Variants in ITGA9 observed in about 807,000 individuals in gnomAD.
ITGA9 encodes the protein integrin alpha-9.
Under a neutral mutation model 127.8 loss-of-function variants are expected in ITGA9, and 56 were observed. The ratio of observed to expected loss-of-function variants is 0.44; its 90% CI spans 0.35 to 0.55. ITGA9 has a LOEUF of 0.55. ITGA9 is among the 20% of genes least tolerant of loss of function. The pLI is 0.00. For missense variants in ITGA9, 1,196 were observed against 1,347.1 expected, an observed-to-expected ratio of 0.89 and a Z score of 1.76; for synonymous variants, 508 against 514.5, an observed-to-expected ratio of 0.99 and a Z score of 0.17.
intron 1 of ITGA9, among the ~76,000 whole-genome samples, chr3:37,469,061 A>C (rs1440826934): frequency 6.6e-6 from 1 of 152,118 alleles, no homozygotes; most frequent in African/African-American, 2.4e-5. Flanking sequence ...AATGCATAAA[A>C]CTGTAGGTCA....
chr3:37,675,187 C>G (rs1700669706), intron 17 of ITGA9, among the ~76,000 whole-genome samples: 1 of 152,120 alleles, frequency 6.6e-6, no homozygotes, highest in East Asian at 1.9e-4. Flanking sequence ...GATGTGCAGC[C>G]CCCCGCCTTT....
At chr3:37,668,350 G>C (rs566788623) in intron 17 of ITGA9, among the ~76,000 whole-genome samples, 12 of 152,300 alleles carry the variant, frequency 7.9e-5, no homozygotes, top group African/African-American at 2.6e-4. Flanking sequence ...TTTTTGGGCA[G>C]TGTTTTCCTT....
intron 1 of ITGA9, among the ~76,000 whole-genome samples, chr3:37,460,382 G>C (rs1698303427): frequency 6.6e-6 from 1 of 152,132 alleles, no homozygotes; most frequent in South Asian, 2.1e-4. Flanking sequence ...GTATTTGATA[G>C]CACAACAAAA....
intron 18 of ITGA9, among the ~76,000 whole-genome samples, chr3:37,725,194 G>A (rs189107903): frequency 4.9e-4 from 74 of 152,304 alleles, no homozygotes; most frequent in African/African-American, 1.6e-3. Flanking sequence ...CCAGTGGGAG[G>A]TTCATATTTT....
At chr3:37,607,338 G>A (rs1027628882) in intron 15 of ITGA9, among the ~76,000 whole-genome samples, 54 of 152,248 alleles carry the variant, frequency 3.5e-4, no homozygotes, top group Non-Finnish European at 5.6e-4. Context: ...GTTCATGGAG[G>A]AAAAAGTTGA....
intron 8 of ITGA9, among the ~76,000 whole-genome samples, chr3:37,511,861 C>G (rs192159234): frequency 6.6e-6 from 1 of 152,322 alleles, no homozygotes; most frequent in East Asian, 1.9e-4. Context: ...CCTGGGTCAG[C>G]TGCCAACAAA....
chr3:37,645,968 A>G (rs1428246756), intron 16 of ITGA9, among the ~76,000 whole-genome samples: 3 of 152,164 alleles, frequency 2.0e-5, no homozygotes, highest in African/African-American at 2.4e-5. Context: ...CATGTCCCCA[A>G]AGCTGCCCTG....
chr3:37,748,670 T>A, intron 22 of ITGA9: 1 of 523,404 alleles, frequency 1.9e-6, no homozygotes, highest in Non-Finnish European at 3.4e-6. Flanking sequence ...ATTGTTCGAA[T>A]CCAGGAGGTG....
At chr3:37,470,166 A>G (rs550526700) in intron 1 of ITGA9, among the ~76,000 whole-genome samples, 1 of 128,432 alleles carries the variant, frequency 7.8e-6, no homozygotes, top group East Asian at 2.1e-4. Flanking sequence ...TTGATATTAC[A>G]TATGCAGCTT....
intron 15 of ITGA9, among the ~76,000 whole-genome samples, chr3:37,624,842 G>C (rs530642126): frequency 3.0e-4 from 45 of 152,218 alleles, no homozygotes; most frequent in African/African-American, 1.1e-3. Flanking sequence ...TCTGACCTCA[G>C]GTCATCCGCC....
chr3:37,476,605 G>A (rs778013984), intron 3 of ITGA9, among the ~76,000 whole-genome samples: 8 of 152,160 alleles, frequency 5.3e-5, no homozygotes, highest in Non-Finnish European at 7.3e-5. Context: ...GCTAGGAAAG[G>A]CTTGTCCTAA....
rs267566 is a variant in ITGA9 at position 37,532,691 on chromosome 3, A to G, written c.1374-623A>G. Among the ~76,000 whole-genome samples, 26 of 151,986 alleles carry G rather than the reference A, an allele frequency of 1.7e-4. No homozygotes were observed. In the South Asian group the frequency reaches 4.4e-3, roughly 25 times the overall value. On this transcript the variant is annotated intron_variant, in intron 13 of 27. Coordinates refer to ENST00000264741, the MANE Select transcript of ITGA9 (RefSeq NM_002207.3). ...CCATGGCAGGGAGGAGAGTATGGCT[A>G]TTTATTGAGTTTCATTTGGTCATAA...
At chr3:37,550,322 TA>T (rs1285779998) in intron 15 of ITGA9, among the ~76,000 whole-genome samples, 1 of 152,212 alleles carries the variant, frequency 6.6e-6, no homozygotes, top group Non-Finnish European at 1.5e-5. Flanking sequence ...GGCTATGAAC[TA>T]GTGAGAGACT....
chr3:37,673,044 TTCTAAATAATTCCATGTTTCAC>T lies in ITGA9; in HGVS notation c.1917-10819_1917-10798del, dbSNP rs1700652045. 2.0e-5 allele frequency among the ~76,000 whole-genome samples: 3 copies of T among 152,280 alleles called. No individual in the cohort carries two copies. The South Asian group carries it at 6.2e-4, about 32-fold the overall frequency. The stretch of plus-strand genomic sequence containing the variant: ...ACAGCAGTGAAAATTGATATTCATA[TTCTAAATAATTCCATGTTTCAC>T]TGAAATCTGCAGGAATCGAAAACAA... On this transcript the variant is annotated intron_variant, in intron 17 of 27. Transcript: ENST00000264741.
intron 1 of ITGA9, among the ~76,000 whole-genome samples, chr3:37,459,179 A>G (rs1394194710): frequency 6.6e-6 from 1 of 152,262 alleles, no homozygotes; most frequent in East Asian, 1.9e-4. Flanking sequence ...GTATCTGAAT[A>G]TTCAGTAGAT....
chr3:37,637,541 G>C (rs1161136365), intron 16 of ITGA9, among the ~76,000 whole-genome samples: 1 of 152,184 alleles, frequency 6.6e-6, no homozygotes, highest in African/African-American at 2.4e-5. Context: ...GGGCTGAGAC[G>C]AAGGGGTTTT....
At chr3:37,510,090 C>T (rs987672864) in intron 8 of ITGA9, among the ~76,000 whole-genome samples, 89 of 150,866 alleles carry the variant, frequency 5.9e-4, no homozygotes, top group Admixed American at 2.0e-3. Context: ...TAACATCTGC[C>T]TCCTGGACTC....
intron 11 of ITGA9, among the ~76,000 whole-genome samples, chr3:37,522,287 CT>C (rs1444483233): frequency 1.3e-5 from 2 of 152,172 alleles, no homozygotes; most frequent in East Asian, 3.9e-4. Flanking sequence ...GAAGATGGGA[CT>C]TTTCTGATTC....
At chr3:37,490,975 C>CCCCTTT (rs548395527) in intron 4 of ITGA9, among the ~76,000 whole-genome samples, 3 of 105,102 alleles carry the variant, frequency 2.9e-5, no homozygotes, top group Non-Finnish European at 2.0e-5. Context: ...TTCCCCCCCG[C>CCCCTTT]TTTTTTTTTT....
Sources: gnomAD v4.1 joint callset for allele counts (sites outside exome capture counted in the v4.1 genomes callset) on GRCh38, gnomAD v4.1.1 for gene constraint, MANE v1.5 for transcripts, NCBI Gene and HGNC (gene_info 2026-07-23, HGNC 2026-07-21) for gene names.